Variants in LINGO2 observed in about 807,000 individuals in gnomAD.
LINGO2 encodes leucine-rich repeat and immunoglobulin-like domain-containing nogo receptor-interacting protein 2.
Under a neutral mutation model 30.6 loss-of-function variants are expected in LINGO2, and 14 were observed. The ratio of observed to expected loss-of-function variants is 0.46; its 90% confidence interval spans 0.30 to 0.72. The LOEUF is 0.72. Among genes scored for constraint, LINGO2 ranks in the 30% least tolerant of loss-of-function variants. LINGO2 has a pLI of 0.07. For missense variants in LINGO2, 729 were observed against 751.7 expected, an observed-to-expected ratio of 0.97 and a Z score of 0.35; for synonymous variants, 317 against 288.5, an observed-to-expected ratio of 1.10 and a Z score of -1.00.
chr9:28,165,187 C>A (rs574851578), intron 4 of LINGO2, among the ~76,000 whole-genome samples: 1 of 152,348 alleles, frequency 6.6e-6, no homozygotes, highest in South Asian at 2.1e-4. Context: ...AGGACAAATG[C>A]AGTCACAACA....
intron 4 of LINGO2, among the ~76,000 whole-genome samples, chr9:28,241,264 T>A (rs1171772282): frequency 1.6e-5 from 1 of 61,098 alleles, no homozygotes; most frequent in Non-Finnish European, 2.8e-5. Flanking sequence ...CAAGACCCTG[T>A]CTCAAAAAAA....
the LINGO2 span, among the ~76,000 whole-genome samples, chr9:29,077,069 T>C: frequency 6.6e-6 from 1 of 152,086 alleles, no homozygotes; most frequent in Admixed American, 6.6e-5. Flanking sequence ...CTTCCAAACA[T>C]AAGGAAATGG....
intron 3 of LINGO2, among the ~76,000 whole-genome samples, chr9:28,341,836 C>A (rs1179286110): frequency 6.6e-6 from 1 of 152,102 alleles, no homozygotes; most frequent in Non-Finnish European, 1.5e-5. Context: ...ACTTTAGCAT[C>A]CCTTTACTGG....
chr9:29,029,757 G>A, the LINGO2 span, among the ~76,000 whole-genome samples: 1 of 152,024 alleles, frequency 6.6e-6, no homozygotes, highest in East Asian at 1.9e-4. Context: ...AGTGGATTGG[G>A]GCAAGCAGCA....
chr9:28,397,769 G>C (rs1051871145), intron 2 of LINGO2, among the ~76,000 whole-genome samples: 8 of 151,954 alleles, frequency 5.3e-5, no homozygotes, highest in African/African-American at 1.9e-4. Context: ...GGATGGTCTT[G>C]ATCTCCTGAC....
the LINGO2 span, among the ~76,000 whole-genome samples, chr9:29,064,032 A>T: frequency 1.2e-3 from 187 of 152,292 alleles, 1 homozygote; most frequent in Non-Finnish European, 2.4e-3. Flanking sequence ...TAGAAGCTTC[A>T]CATGTGAAAG....
the LINGO2 span, among the ~76,000 whole-genome samples, chr9:29,198,621 T>A: frequency 2.6e-5 from 4 of 152,134 alleles, no homozygotes; most frequent in Admixed American, 2.0e-4. Context: ...TCATTCCGTA[T>A]TTTTTAAGCC....
intron 4 of LINGO2, among the ~76,000 whole-genome samples, chr9:28,219,908 T>C (rs1268268565): frequency 2.6e-5 from 4 of 152,176 alleles, no homozygotes; most frequent in African/African-American, 9.7e-5. Context: ...GATCTATATA[T>C]GCTGATTCAA....
At chr9:28,050,248 T>C (rs946981647) in intron 4 of LINGO2, among the ~76,000 whole-genome samples, 4 of 150,724 alleles carry the variant, frequency 2.7e-5, no homozygotes, top group Non-Finnish European at 5.9e-5. Context: ...TACTCAGTTC[T>C]GAGGTTACAA....
chr9:28,283,501 T>C (rs1021980215), intron 4 of LINGO2, among the ~76,000 whole-genome samples: 7 of 152,198 alleles, frequency 4.6e-5, no homozygotes, highest in African/African-American at 1.7e-4. Flanking sequence ...TAGAAATGTA[T>C]TTTATAGTAG....
At chr9:28,734,231 A>G in the LINGO2 span, among the ~76,000 whole-genome samples, 2 of 152,332 alleles carry the variant, frequency 1.3e-5, no homozygotes, top group East Asian at 1.9e-4. Flanking sequence ...CTGATATCCC[A>G]GAAGGCTAAG....
At chr9:29,041,101 G>T in the LINGO2 span, among the ~76,000 whole-genome samples, 1 of 151,876 alleles carries the variant, frequency 6.6e-6, no homozygotes, top group East Asian at 1.9e-4. Context: ...AACACAGATG[G>T]TTACAGATTT....
At chr9:28,703,464 C>T in the LINGO2 span, among the ~76,000 whole-genome samples, 2 of 151,692 alleles carry the variant, frequency 1.3e-5, no homozygotes, top group Non-Finnish European at 2.9e-5. Context: ...TCACTCTGGT[C>T]TGAGAACAGA....
At chr9:28,321,519 G>A (rs1244932529) in intron 3 of LINGO2, among the ~76,000 whole-genome samples, 2 of 152,264 alleles carry the variant, frequency 1.3e-5, no homozygotes, top group East Asian at 1.9e-4. Flanking sequence ...TATTAGTTAA[G>A]GTTCTCTGGT....
At chr9:28,765,736 C>A in the LINGO2 span, among the ~76,000 whole-genome samples, 1 of 151,992 alleles carries the variant, frequency 6.6e-6, no homozygotes, top group Non-Finnish European at 1.5e-5. Context: ...TCTTGAACTT[C>A]CCAGCCTACA....
intron 2 of LINGO2, among the ~76,000 whole-genome samples, chr9:28,430,109 C>CGTGTGTGTGTGT (rs55989705): frequency 0.015 from 2,030 of 136,174 alleles, 51 homozygotes; most frequent in African/African-American, 0.049. Flanking sequence ...CGCGCGCGCG[C>CGTGTGTGTGTGT]GTGTGTGTGT....
At chr9:28,057,102 G>A (rs1824966143) in intron 4 of LINGO2, among the ~76,000 whole-genome samples, 1 of 152,024 alleles carries the variant, frequency 6.6e-6, no homozygotes, top group African/African-American at 2.4e-5. Flanking sequence ...TGGCTGTTGC[G>A]CTTATGAATG....
the LINGO2 span, among the ~76,000 whole-genome samples, chr9:28,818,060 C>CT: frequency 6.6e-6 from 1 of 152,112 alleles, no homozygotes; most frequent in Non-Finnish European, 1.5e-5. Context: ...AGAAAAAATA[C>CT]TTTTTAGGAG....
intron 2 of LINGO2, among the ~76,000 whole-genome samples, chr9:28,441,114 T>C (rs911078409): frequency 1.3e-5 from 2 of 152,106 alleles, no homozygotes; most frequent in East Asian, 3.9e-4. Context: ...TCTACCTTCC[T>C]GGGACAGTGC....
Sources: allele counts gnomAD v4.1 joint callset (sites outside exome capture counted in the v4.1 genomes callset), GRCh38; gene constraint gnomAD v4.1.1; transcripts MANE v1.5; gene names NCBI Gene and HGNC (gene_info 2026-07-23, HGNC 2026-07-21).